Variants in CLSTN2 observed in about 807,000 individuals in gnomAD.
CLSTN2 encodes the protein calsyntenin-2.
Under a neutral mutation model 101.2 loss-of-function variants are expected in CLSTN2, and 48 were observed. The ratio of observed to expected loss-of-function variants is 0.47; its 90% CI spans 0.38 to 0.60. The LOEUF is 0.60. Ranked by LOEUF, CLSTN2 falls within the 20% of genes least tolerant of loss-of-function variation. The pLI, the probability that CLSTN2 is intolerant of heterozygous loss-of-function variation, is 0.00. For synonymous variants in CLSTN2, 481 were observed against 463.6 expected, an observed-to-expected ratio of 1.04 and a Z score of -0.48; for missense variants, 1,160 against 1,238.2, an observed-to-expected ratio of 0.94 and a Z score of 0.95.
intron 1 of CLSTN2, among the ~76,000 whole-genome samples, chr3:140,149,004 G>T (rs2009822619): frequency 6.6e-6 from 1 of 152,158 alleles, no homozygotes; most frequent in Non-Finnish European, 1.5e-5. Context: ...CCTTGAGCCT[G>T]CTGGGCAATC....
chr3:140,141,333 C>T (rs895576617), intron 1 of CLSTN2, among the ~76,000 whole-genome samples: 1 of 152,188 alleles, frequency 6.6e-6, no homozygotes, highest in Non-Finnish European at 1.5e-5. Context: ...CTGCCTCTTG[C>T]TTTGACCAGA....
intron 1 of CLSTN2, among the ~76,000 whole-genome samples, chr3:139,952,991 G>T (rs185256502): frequency 2.0e-5 from 3 of 152,284 alleles, no homozygotes; most frequent in Admixed American, 6.5e-5. Flanking sequence ...TCAGAATGGG[G>T]AAGGGCCAGC....
intron 8 of CLSTN2, among the ~76,000 whole-genome samples, chr3:140,494,280 T>C (rs917273618): frequency 4.6e-5 from 7 of 152,102 alleles, no homozygotes; most frequent in Non-Finnish European, 1.0e-4. Flanking sequence ...CAAAGCCCAG[T>C]GCAAAAGTTT....
intron 2 of CLSTN2, among the ~76,000 whole-genome samples, chr3:140,212,126 A>G (rs2010863421): frequency 6.6e-6 from 1 of 152,236 alleles, no homozygotes; most frequent in Non-Finnish European, 1.5e-5. Flanking sequence ...AATCCAAGGC[A>G]TGATAGTTCA....
intron 2 of CLSTN2, among the ~76,000 whole-genome samples, chr3:140,350,435 T>C (rs1250298382): frequency 1.3e-5 from 2 of 152,178 alleles, no homozygotes; most frequent in Non-Finnish European, 1.5e-5. Context: ...TTAGATCTAA[T>C]GAAGAAGATG....
rs545190486 is a variant in CLSTN2, at chr3:140,142,785, T to G, written c.110-33166T>G. ...TGGTTTAGCCCATTGTGATCTAAAG[T>G]GATAAGCACCTAATTTCCTTGGACT... On this transcript the variant is annotated intron_variant, in intron 1 of 16. Coordinates refer to ENST00000458420, the MANE Select transcript of CLSTN2 (RefSeq NM_022131.3). Among the ~76,000 whole-genome samples, 218 of 152,278 alleles carry G rather than the reference T, an allele frequency of 1.4e-3. 8 individuals carry two copies. In the South Asian group the frequency reaches 0.043, roughly 30 times the overall value.
intron 2 of CLSTN2, among the ~76,000 whole-genome samples, chr3:140,208,372 GA>G (rs34079479): frequency 8.6e-4 from 131 of 152,256 alleles, no homozygotes; most frequent in African/African-American, 3.0e-3. Context: ...GTATTTAGGA[GA>G]ATAGACTTCA....
intron 8 of CLSTN2, among the ~76,000 whole-genome samples, chr3:140,493,885 A>ACCTAT (rs1934399614): frequency 1.3e-5 from 2 of 152,234 alleles, no homozygotes; most frequent in African/African-American, 4.8e-5. Flanking sequence ...CTTGATGCCA[A>ACCTAT]CCTTTTAGAC....
intron 1 of CLSTN2, among the ~76,000 whole-genome samples, chr3:140,134,353 G>T (rs1278070250): frequency 6.6e-6 from 1 of 152,018 alleles, no homozygotes; most frequent in African/African-American, 2.4e-5. Flanking sequence ...TCTATCCCTT[G>T]CTTGTCTGAT....
intron 5 of CLSTN2, among the ~76,000 whole-genome samples, chr3:140,428,673 G>T (rs924286099): frequency 9.9e-5 from 15 of 152,270 alleles, no homozygotes; most frequent in African/African-American, 3.6e-4. Flanking sequence ...TTCTCCCACA[G>T]GCCAACTGAT....
intron 1 of CLSTN2, among the ~76,000 whole-genome samples, chr3:140,147,632 G>A (rs76347219): frequency 6.6e-6 from 1 of 151,938 alleles, no homozygotes; most frequent in Non-Finnish European, 1.5e-5. Context: ...AGGGTGGTGG[G>A]GTAGATCTAA....
chr3:140,328,360 G>C (rs1209327086), intron 2 of CLSTN2, among the ~76,000 whole-genome samples: 3 of 152,196 alleles, frequency 2.0e-5, no homozygotes. Flanking sequence ...CCTCCACACA[G>C]AATGTTACTA....
chr3:140,179,549 A>G (rs1195703381), intron 2 of CLSTN2, among the ~76,000 whole-genome samples: 3 of 138,346 alleles, frequency 2.2e-5, no homozygotes, highest in East Asian at 2.4e-4. Context: ...AGGAGGATCA[A>G]TTGATCCTAG....
At chr3:140,154,240 C>A (rs2009913568) in intron 1 of CLSTN2, among the ~76,000 whole-genome samples, 1 of 151,958 alleles carries the variant, frequency 6.6e-6, no homozygotes, top group South Asian at 2.1e-4. Context: ...TAATAAGGAG[C>A]CAGTCATGTG....
At chr3:140,378,664 G>A (rs1223317716) in intron 2 of CLSTN2, among the ~76,000 whole-genome samples, 2 of 152,188 alleles carry the variant, frequency 1.3e-5, no homozygotes, top group Non-Finnish European at 2.9e-5. Flanking sequence ...GAGTCCAATT[G>A]GAAGAGCTTC....
At chr3:140,420,989 C>A in intron 4 of CLSTN2, 136 bp from the exon 5 acceptor site, 2 of 916,850 alleles carry the variant, frequency 2.2e-6, no homozygotes, top group Non-Finnish European at 3.3e-6. Flanking sequence ...CTCCTGTTTG[C>A]CCTTGTTTTT....
intron 1 of CLSTN2, among the ~76,000 whole-genome samples, chr3:140,045,416 T>C (rs1371018905): frequency 2.0e-5 from 3 of 152,212 alleles, no homozygotes; most frequent in African/African-American, 7.2e-5. Context: ...CTTCTCTCTT[T>C]TCTTTTTTAT....
At chr3:140,439,743 GCACA>G (rs757195934) in intron 5 of CLSTN2, among the ~76,000 whole-genome samples, 1 of 89,836 alleles carries the variant, frequency 1.1e-5, no homozygotes, top group East Asian at 2.3e-4. Flanking sequence ...ACGTGCACGT[GCACA>G]CACACGCACA....
chr3:140,530,176 C>G (rs937884300), intron 8 of CLSTN2, among the ~76,000 whole-genome samples: 5 of 152,082 alleles, frequency 3.3e-5, no homozygotes, highest in African/African-American at 1.2e-4. Context: ...TAATTAATAT[C>G]TGGAAATAAG....
Sources: allele counts gnomAD v4.1 joint callset (sites outside exome capture counted in the v4.1 genomes callset), GRCh38; gene constraint gnomAD v4.1.1; transcripts MANE v1.5; gene names NCBI Gene and HGNC (gene_info 2026-07-23, HGNC 2026-07-21).